The following EPB41L4A variants were observed in gnomAD, a reference collection of about 807,000 sequenced individuals.
EPB41L4A encodes the protein band 4.1-like protein 4A.
In EPB41L4A, 100 loss-of-function variants were observed where a neutral mutation model predicts 108.6. The observed-to-expected ratio is 0.92, with a 90% CI of 0.78 to 1.09. EPB41L4A has a LOEUF of 1.09. Ranked by LOEUF, EPB41L4A falls within the 50% of genes least tolerant of loss-of-function variation. EPB41L4A has a pLI of 0.00. For synonymous variants in EPB41L4A, 319 were observed against 289.0 expected, an observed-to-expected ratio of 1.10 and a Z score of -1.05; for missense variants, 1,030 against 842.7, an observed-to-expected ratio of 1.22 and a Z score of -2.75.
chr5:112,207,988 CTGTA>C (rs768714351), intron 13 of EPB41L4A, among the ~76,000 whole-genome samples: 1 of 152,158 alleles, frequency 6.6e-6, no homozygotes, highest in East Asian at 1.9e-4. Flanking sequence ...TGGCTCACAC[CTGTA>C]ATCCCAGCAC....
At chr5:112,375,237 G>C (rs1224182952) in intron 1 of EPB41L4A, among the ~76,000 whole-genome samples, 1 of 151,794 alleles carries the variant, frequency 6.6e-6, no homozygotes, top group African/African-American at 2.4e-5. Context: ...CAACCCCTGG[G>C]GATGATCACG....
intron 1 of EPB41L4A, among the ~76,000 whole-genome samples, chr5:112,326,423 C>G (rs1580692060): frequency 6.6e-6 from 1 of 152,038 alleles, no homozygotes; most frequent in South Asian, 2.1e-4. Context: ...GGCAACAAAC[C>G]CCCTTAAGGA....
intron 9 of EPB41L4A, among the ~76,000 whole-genome samples, chr5:112,255,387 G>C: frequency 6.6e-6 from 1 of 151,838 alleles, no homozygotes; most frequent in East Asian, 1.9e-4. Context: ...TGACTTTTAC[G>C]TAAGTGCTGC....
At chr5:112,205,562 A>G in intron 13 of EPB41L4A, 58 bp from the exon 14 acceptor site, 1 of 1,309,902 alleles carries the variant, frequency 7.6e-7, no homozygotes, top group South Asian at 1.3e-5. Flanking sequence ...AAGTAAACTC[A>G]CATACTTATT....
intron 1 of EPB41L4A, among the ~76,000 whole-genome samples, chr5:112,327,570 G>C (rs772618441): frequency 5.3e-5 from 8 of 151,992 alleles, no homozygotes; most frequent in Non-Finnish European, 1.0e-4. Context: ...TTAAAAATTA[G>C]CCAGGTATGG....
At chr5:112,415,814 G>C (rs898447596) in intron 1 of EPB41L4A, among the ~76,000 whole-genome samples, 2 of 152,094 alleles carry the variant, frequency 1.3e-5, no homozygotes, top group Non-Finnish European at 2.9e-5. Flanking sequence ...CTCAGCTTAT[G>C]TAAACTTGAG....
rs555820284 is a variant in EPB41L4A, at chr5:112,287,120, C to T, written c.205-6797G>A. Among the ~76,000 whole-genome samples, 5 of 152,168 alleles carry T rather than the reference C, an allele frequency of 3.3e-5. No individual in the cohort carries two copies. The East Asian group carries it at 7.7e-4, about 23-fold the overall frequency. On this transcript the variant is annotated intron_variant, in intron 2 of 22. Transcript: ENST00000261486. Reference sequence around the variant, plus strand: ...TCATACCTCACATCAAGGCTCATGGCCTTAAATGCCATCTATACACTGACA... The same window carrying T: ...TCATACCTCACATCAAGGCTCATGGTCTTAAATGCCATCTATACACTGACA...
intron 1 of EPB41L4A, among the ~76,000 whole-genome samples, chr5:112,331,286 A>T (rs1323494370): frequency 6.6e-6 from 1 of 152,118 alleles, no homozygotes; most frequent in East Asian, 1.9e-4. Flanking sequence ...ATTCCAACAC[A>T]TTACCTTCCA....
chr5:112,239,009 A>C (rs1009963755), intron 11 of EPB41L4A, among the ~76,000 whole-genome samples: 1 of 152,326 alleles, frequency 6.6e-6, no homozygotes, highest in Admixed American at 6.5e-5. Context: ...CTCTGCAGCT[A>C]GAGCGCCAGG....
chr5:112,320,762 T>C (rs1386655162), intron 1 of EPB41L4A, among the ~76,000 whole-genome samples: 1 of 152,144 alleles, frequency 6.6e-6, no homozygotes, highest in Non-Finnish European at 1.5e-5. Flanking sequence ...GATCAGGAAA[T>C]GTTATATTCT....
chr5:112,148,340 T>C (rs921022464), intron 12 of EPB41L4A, among the ~76,000 whole-genome samples: 2 of 151,216 alleles, frequency 1.3e-5, no homozygotes, highest in African/African-American at 4.8e-5. Flanking sequence ...CCAGTGTTCA[T>C]ATGGATAAAT....
chr5:112,408,208 A>G (rs1466888249), intron 1 of EPB41L4A, among the ~76,000 whole-genome samples: 1 of 152,212 alleles, frequency 6.6e-6, no homozygotes, highest in African/African-American at 2.4e-5. Flanking sequence ...CAAATGAAGA[A>G]TGGGTCATAG....
At chr5:112,396,930 T>G (rs1761392359) in intron 1 of EPB41L4A, among the ~76,000 whole-genome samples, 1 of 152,348 alleles carries the variant, frequency 6.6e-6, no homozygotes, top group African/African-American at 2.4e-5. Context: ...TTTCTTTTCT[T>G]TGTAAAATAT....
At position 112,209,970 on chromosome 5, in the gene EPB41L4A, A is replaced by G. The variant is rs747897107; in HGVS notation, c.1100T>C (p.Ile367Thr). The change falls in exon 13 of 23, where the codon ATC (isoleucine) becomes ACC (threonine). Residue 367 changes from isoleucine to threonine, a missense_variant. Ile to Thr is a moderately conservative substitution (Grantham distance 89, BLOSUM62 -1). Coordinates refer to ENST00000261486, the MANE Select transcript of EPB41L4A (RefSeq NM_022140.5). ...AQTQPAESNS[I>T]SRITANMENG... ...TTCCATGTTTGCAGTTATCCTACTG[A>G]TGCTGTTTGATTCTAGCAGAGGAGG... The G allele has an allele frequency of 2.5e-6, 4 of 1,584,814 alleles. No individual in the cohort carries two copies. The highest frequency in any genetic ancestry group is 3.5e-6 in the Non-Finnish European group (4 of 1,155,462).
intron 13 of EPB41L4A, among the ~76,000 whole-genome samples, chr5:112,206,719 T>C (rs1762490926): frequency 6.6e-6 from 1 of 152,224 alleles, no homozygotes; most frequent in Admixed American, 6.5e-5. Flanking sequence ...AATAAAATCC[T>C]GGGTGACAAG....
At chr5:112,265,088 C>A in intron 5 of EPB41L4A, 72 bp from the exon 6 acceptor site, 1 of 1,286,474 alleles carries the variant, frequency 7.8e-7, no homozygotes. Flanking sequence ...ATAAAATATT[C>A]CTAACATGCT....
chr5:112,416,826 A>C (rs938721442), intron 1 of EPB41L4A, among the ~76,000 whole-genome samples: 3 of 152,212 alleles, frequency 2.0e-5, no homozygotes, highest in Non-Finnish European at 4.4e-5. Context: ...GAATACCTCT[A>C]CATGCAAGTT....
chr5:112,231,999 C>T (rs1246178860), intron 12 of EPB41L4A, among the ~76,000 whole-genome samples: 1 of 151,518 alleles, frequency 6.6e-6, no homozygotes, highest in African/African-American at 2.4e-5. Flanking sequence ...CCTGTAATCC[C>T]AGCTACACAG....
chr5:112,314,219 A>G (rs1755259442), intron 1 of EPB41L4A, among the ~76,000 whole-genome samples: 2 of 151,788 alleles, frequency 1.3e-5, no homozygotes. Flanking sequence ...CCAAACTATT[A>G]CGGGCCATTA....
Sources: gnomAD v4.1 joint callset for allele counts (sites outside exome capture counted in the v4.1 genomes callset) on GRCh38, gnomAD v4.1.1 for gene constraint, MANE v1.5 for transcripts, NCBI Gene and HGNC (gene_info 2026-07-23, HGNC 2026-07-21) for gene names.